Variants in NCKAP1 observed in about 807,000 individuals in gnomAD.
NCKAP1 encodes the protein nck-associated protein 1.
In NCKAP1, 21 loss-of-function variants were observed where a neutral mutation model predicts 151.2. That is an observed-to-expected ratio of 0.14 (90% CI 0.10 to 0.20). The LOEUF is 0.20. Among genes scored for constraint, NCKAP1 ranks in the 10% least tolerant of loss-of-function variants. The pLI, the probability that NCKAP1 is intolerant of heterozygous loss-of-function variation, is 1.00. For synonymous variants in NCKAP1, 484 were observed against 451.8 expected, an observed-to-expected ratio of 1.07 and a Z score of -0.90; for missense variants, 933 against 1,352.1, an observed-to-expected ratio of 0.69 and a Z score of 4.86.
chr2:182,965,652 A>C (rs781415078), intron 16 of NCKAP1, among the ~76,000 whole-genome samples: 5 of 152,234 alleles, frequency 3.3e-5, no homozygotes, highest in Non-Finnish European at 5.9e-5. Context: ...GCAACTATGA[A>C]AAAATATAAA....
chr2:182,978,952 A>G (rs745459044), intron 13 of NCKAP1, 37 bp from the exon 14 acceptor site: 8 of 1,459,690 alleles, frequency 5.5e-6, no homozygotes, highest in Middle Eastern at 1.8e-4. Context: ...AAAAACATCT[A>G]TAGTTGGGAA....
At position 182,919,379 on chromosome 2, in the gene NCKAP1, TC is replaced by T. The variant is rs1696514696; in HGVS notation, c.*6322del. Reference sequence around the variant, plus strand: ...AGCTTCAGCTTCAACCTTTGCAAGATCTAACAGTTAAATGGTTAAATGACTA... The same window carrying T: ...AGCTTCAGCTTCAACCTTTGCAAGATTAACAGTTAAATGGTTAAATGACTA... On this transcript the variant is annotated 3_prime_UTR_variant, in exon 31 of 31. Transcript: ENST00000361354. 6.6e-6 allele frequency: 1 copy of T among 152,224 alleles called. No homozygotes were observed. The highest frequency in any genetic ancestry group is 1.5e-5 in the Non-Finnish European group (1 of 68,040). The allele number at this position is 152,224 out of a possible 1,614,324, so 9.4% of individuals were successfully genotyped here. A position where few individuals can be genotyped will look rare whatever the true frequency, so the allele number is the denominator to read the frequency against.
intron 11 of NCKAP1, among the ~76,000 whole-genome samples, 156 bp from the exon 12 acceptor site, chr2:182,983,083 T>C (rs962279686): frequency 6.6e-6 from 1 of 152,128 alleles, no homozygotes; most frequent in Non-Finnish European, 1.5e-5. Context: ...CCTGTAAGTA[T>C]GTATGAGAGA....
intron 27 of NCKAP1, among the ~76,000 whole-genome samples, chr2:182,929,411 A>C (rs1696714000): frequency 6.6e-6 from 1 of 151,974 alleles, no homozygotes; most frequent in Admixed American, 6.6e-5. Context: ...TGGGTTTTCA[A>C]CCTCTCTATT....
At chr2:182,962,104 A>G (rs770636062) in intron 18 of NCKAP1, 55 bp downstream of exon 18, 5 of 1,546,356 alleles carry the variant, frequency 3.2e-6, no homozygotes, top group Non-Finnish European at 4.4e-6. Flanking sequence ...CTAAAAGCAC[A>G]TTTTCTTGCC....
chr2:182,995,030 TAA>T (rs763972798), intron 7 of NCKAP1, 143 bp from the exon 8 acceptor site: 39 of 660,674 alleles, frequency 5.9e-5, no homozygotes, highest in Non-Finnish European at 1.0e-4. Context: ...AAGAGCTGGA[TAA>T]AAGTTTTATT....
intron 19 of NCKAP1, chr2:182,957,199 C>T (rs1203900862): frequency 3.4e-6 from 1 of 297,584 alleles, no homozygotes; most frequent in Non-Finnish European, 6.0e-6. Context: ...ATTTTTTAAA[C>T]ATATAATTGG....
chr2:183,013,364 C>T (rs1698625626), intron 2 of NCKAP1, among the ~76,000 whole-genome samples: 2 of 152,130 alleles, frequency 1.3e-5, no homozygotes, highest in South Asian at 2.1e-4. Context: ...TGCACTACCC[C>T]AAACCTATTT....
intron 23 of NCKAP1, among the ~76,000 whole-genome samples, chr2:182,943,929 C>A (rs959666987): frequency 6.6e-6 from 1 of 152,176 alleles, no homozygotes; most frequent in Admixed American, 6.5e-5. Context: ...TGTTCTTAAT[C>A]CCTAAAGAAA....
intron 18 of NCKAP1, among the ~76,000 whole-genome samples, chr2:182,959,585 T>C (rs1320289676): frequency 1.3e-5 from 2 of 152,116 alleles, no homozygotes; most frequent in African/African-American, 2.4e-5. Flanking sequence ...ATAGGATGTA[T>C]CTCAAAATAA....
intron 2 of NCKAP1, among the ~76,000 whole-genome samples, chr2:183,004,007 T>C (rs1180869021): frequency 2.0e-5 from 3 of 152,196 alleles, no homozygotes; most frequent in Admixed American, 6.5e-5. Context: ...ACTATTGATA[T>C]AATTTCTAAA....
At chr2:182,989,629 T>C (rs147722540) in intron 8 of NCKAP1, among the ~76,000 whole-genome samples, 242 of 152,288 alleles carry the variant, frequency 1.6e-3, no homozygotes, top group African/African-American at 5.5e-3. Flanking sequence ...GGAGGATTGC[T>C]TGAGCCCAGG....
chr2:182,928,368 T>C, intron 28 of NCKAP1, 142 bp from the exon 29 acceptor site: 1 of 579,176 alleles, frequency 1.7e-6, no homozygotes, highest in Non-Finnish European at 3.0e-6. Flanking sequence ...TGCTCTCCTT[T>C]GACTTTCATG....
intron 5 of NCKAP1, 26 bp from the exon 6 acceptor site, chr2:183,002,069 A>G (rs370287045): frequency 8.1e-6 from 13 of 1,612,312 alleles, no homozygotes; most frequent in African/African-American, 5.3e-5. Flanking sequence ...TCAAATTTCA[A>G]TGAGTTGTAA....
Position 182,936,449 on chromosome 2 carries a change from T to C in NCKAP1, c.2696-1074A>G, listed in dbSNP as rs147661235. On this transcript the variant is annotated intron_variant, in intron 24 of 30. Coordinates refer to ENST00000361354, the MANE Select transcript of NCKAP1 (RefSeq NM_013436.5). ...AGCAGACAGTCTAAATGGGCTGTCATGAAAACTAAGAAATATAATTCCATT... is the reference window on the plus strand; with the variant it reads ...AGCAGACAGTCTAAATGGGCTGTCACGAAAACTAAGAAATATAATTCCATT... 3.9e-4 allele frequency among the ~76,000 whole-genome samples: 59 copies of C among 152,276 alleles called. No individual in the cohort carries two copies. In the East Asian group the frequency reaches 0.01, roughly 27 times the overall value.
At chr2:183,022,623 C>A (rs1037625668) in intron 2 of NCKAP1, among the ~76,000 whole-genome samples, 1 of 152,076 alleles carries the variant, frequency 6.6e-6, no homozygotes, top group Non-Finnish European at 1.5e-5. Context: ...CTCGTCTCTA[C>A]AAAAACAATC....
chr2:182,981,961 A>G (rs1418946113), intron 12 of NCKAP1, among the ~76,000 whole-genome samples: 1 of 151,478 alleles, frequency 6.6e-6, no homozygotes, highest in South Asian at 2.1e-4. Context: ...AGGACATGTT[A>G]TAAATACATC....
In NCKAP1 at chr2:183,038,316, G is replaced by A. The variant is rs1423034499; in HGVS notation, c.-217C>T. The A allele has an allele frequency of 5.8e-6, 2 of 346,982 alleles. No individual in the cohort carries two copies. Among genetic ancestry groups the A allele is most frequent in the African/African-American group, 2.2e-5 (1 of 46,096 alleles). 21.5% of individuals were successfully genotyped at this position (346,982 alleles called of 1,614,324 possible). A position where few individuals can be genotyped will look rare whatever the true frequency, so the allele number is the denominator to read the frequency against. ...CTTCTCCCGCAGCAGCCCGCGCCCCGGCAGCCTCCTGCCTTCCGCCCGCCG... is the reference window on the plus strand; with the variant it reads ...CTTCTCCCGCAGCAGCCCGCGCCCCAGCAGCCTCCTGCCTTCCGCCCGCCG... On this transcript the variant is annotated 5_prime_UTR_variant, in exon 1 of 31. Coordinates refer to ENST00000361354, the MANE Select transcript of NCKAP1 (RefSeq NM_013436.5).
At position 182,920,988 on chromosome 2, in the gene NCKAP1, TTA is replaced by T. The variant is rs1696542513; in HGVS notation, c.*4712_*4713del. ...ACGCATCACTGAGTAGTGCACAGTT[TTA>T]GTCTGTGAGCACGCTTCAGTGAAAT... On this transcript the variant is annotated 3_prime_UTR_variant, in exon 31 of 31. Transcript: ENST00000361354. The T allele has an allele frequency of 6.6e-6, 1 of 152,186 alleles. No homozygotes were observed. The highest frequency in any genetic ancestry group is 2.1e-4 in the South Asian group (1 of 4,826). 9.4% of individuals were successfully genotyped at this position (152,186 alleles called of 1,614,324 possible).
Sources: allele counts gnomAD v4.1 joint callset (sites outside exome capture counted in the v4.1 genomes callset), GRCh38; gene constraint gnomAD v4.1.1; transcripts MANE v1.5; gene names NCBI Gene and HGNC (gene_info 2026-07-23, HGNC 2026-07-21).